RNFT2: variants seen among roughly 807,000 people sequenced by gnomAD.
RNFT2 encodes the protein E3 ubiquitin-protein ligase RNFT2.
A neutral mutation model predicts 53.0 loss-of-function variants in RNFT2; 36 were observed. The observed-to-expected ratio is 0.68, with a 90% CI of 0.52 to 0.90. RNFT2 has a LOEUF of 0.90. Ranked by LOEUF, RNFT2 falls within the 40% of genes least tolerant of loss-of-function variation. The pLI, the probability that RNFT2 is intolerant of heterozygous loss-of-function variation, is 0.00. For missense variants in RNFT2, 514 were observed against 585.6 expected, an observed-to-expected ratio of 0.88 and a Z score of 1.26; for synonymous variants, 260 against 253.2, an observed-to-expected ratio of 1.03 and a Z score of -0.26.
chr12:116,810,699 TCAATGATTAAG>T (rs1449058972), intron 7 of RNFT2, among the ~76,000 whole-genome samples: 2 of 152,228 alleles, frequency 1.3e-5, no homozygotes, highest in East Asian at 3.9e-4. Context: ...CTTCTTCAAC[TCAATGATTAAG>T]CAAGGCAGCC....
chr12:116,811,497 T>A, intron 7 of RNFT2, among the ~76,000 whole-genome samples: 1 of 151,958 alleles, frequency 6.6e-6, no homozygotes, highest in Non-Finnish European at 1.5e-5. Context: ...TGCCTCAGTC[T>A]CCTGAGCAGC....
chr12:116,829,861 G>T (rs1181420360), intron 7 of RNFT2, among the ~76,000 whole-genome samples: 1 of 152,138 alleles, frequency 6.6e-6, no homozygotes, highest in Admixed American at 6.5e-5. Flanking sequence ...GATTACAGGT[G>T]TGAGCCACCA....
At chr12:116,843,825 C>T (rs1486452336) in intron 10 of RNFT2, among the ~76,000 whole-genome samples, 5 of 152,198 alleles carry the variant, frequency 3.3e-5, no homozygotes, top group East Asian at 3.9e-4. Flanking sequence ...ACCCTAGTAT[C>T]GCCAGACTTT....
At position 116,832,763 on chromosome 12, in the gene RNFT2, TCTC is replaced by T. The variant is rs764208769; in HGVS notation, c.883-1026_883-1024del. Reference sequence around the variant, plus strand: ...TAATGCTAGGTGCTTATCCTGTTCATCTCCTTTAATCCTCAAAGCAACCCCGTA... The same window carrying T: ...TAATGCTAGGTGCTTATCCTGTTCATCTTTAATCCTCAAAGCAACCCCGTA... On this transcript the variant is annotated intron_variant, in intron 7 of 10. Coordinates refer to ENST00000257575, the MANE Select transcript of RNFT2 (RefSeq NM_001382266.1). Among the ~76,000 whole-genome samples, 3 of 152,234 alleles carry T rather than the reference TCTC, an allele frequency of 2.0e-5. No homozygotes were observed. In the East Asian group the frequency reaches 5.8e-4, roughly 29 times the overall value.
chr12:116,830,231 C>A (rs1451711062), intron 7 of RNFT2, among the ~76,000 whole-genome samples: 2 of 152,258 alleles, frequency 1.3e-5, no homozygotes, highest in East Asian at 1.9e-4. Flanking sequence ...AACCTAAAGA[C>A]CTCATTCACA....
intron 7 of RNFT2, among the ~76,000 whole-genome samples, chr12:116,794,855 T>C (rs1259586689): frequency 6.6e-6 from 1 of 152,060 alleles, no homozygotes. Flanking sequence ...ATTTCACTGA[T>C]GTTATTCAGG....
intron 6 of RNFT2, among the ~76,000 whole-genome samples, chr12:116,772,298 TTTTTA>T (rs1295583213): frequency 1.3e-5 from 2 of 151,976 alleles, no homozygotes; most frequent in Admixed American, 1.3e-4. Flanking sequence ...TCAAAAGTAA[TTTTTA>T]TTTTATTTTG....
At chr12:116,785,249 C>G (rs1341872706) in intron 7 of RNFT2, among the ~76,000 whole-genome samples, 3 of 139,082 alleles carry the variant, frequency 2.2e-5, no homozygotes, top group Non-Finnish European at 3.1e-5. Flanking sequence ...TTACCTACTT[C>G]TGTGTGTGTG....
intron 7 of RNFT2, among the ~76,000 whole-genome samples, chr12:116,811,156 G>C (rs1875353419): frequency 6.6e-6 from 1 of 152,080 alleles, no homozygotes; most frequent in African/African-American, 2.4e-5. Context: ...TGTCTTTCCA[G>C]CTACTAGGAA....
At position 116,852,884 on chromosome 12, in the gene RNFT2, TG is replaced by T; in HGVS notation, c.*3438del. The T allele has an allele frequency of 1.6e-6, 1 of 640,578 alleles. No homozygotes were observed. The allele number at this position is 640,578 out of a possible 1,614,324, so 39.7% of individuals were successfully genotyped here. The stretch of plus-strand genomic sequence containing the variant: ...TGTAGGTTACTAGTGAATACCCCAA[TG>T]GTTTCTCCAATTATGCCCATGCCAC... On this transcript the variant is annotated 3_prime_UTR_variant, in exon 11 of 11. Transcript: ENST00000257575.
At chr12:116,743,716 C>G (rs1871757048) in intron 3 of RNFT2, among the ~76,000 whole-genome samples, 1 of 152,148 alleles carries the variant, frequency 6.6e-6, no homozygotes, top group Admixed American at 6.5e-5. Flanking sequence ...TCCCATACCC[C>G]CTGCGACTCT....
In RNFT2 at chr12:116,738,942, A is replaced by G. The variant is rs556952771; in HGVS notation, c.-154+572A>G. On this transcript the variant is annotated intron_variant, in intron 1 of 10. Coordinates refer to ENST00000257575, the MANE Select transcript of RNFT2 (RefSeq NM_001382266.1). ...GATTGCAAATTCTTGAAAAATATTT[A>G]TATAATGACCTTTTCTTGATATATG... Among the ~76,000 whole-genome samples, 30 of 152,324 alleles carry G rather than the reference A, an allele frequency of 2.0e-4. No individual in the cohort carries two copies. The East Asian group carries it at 5.6e-3, about 28-fold the overall frequency.
intron 7 of RNFT2, among the ~76,000 whole-genome samples, chr12:116,816,218 G>C (rs1875657682): frequency 6.6e-6 from 1 of 152,202 alleles, no homozygotes; most frequent in Non-Finnish European, 1.5e-5. Flanking sequence ...AGGGCCCTGT[G>C]TGTAGGGAAG....
At chr12:116,768,817 G>A (rs1421671876) in intron 6 of RNFT2, among the ~76,000 whole-genome samples, 1 of 147,070 alleles carries the variant, frequency 6.8e-6, no homozygotes, top group Non-Finnish European at 1.5e-5. Flanking sequence ...TGCAACCTCC[G>A]CCTCCCAGGT....
At chr12:116,775,743 G>A (rs1025662270) in intron 6 of RNFT2, among the ~76,000 whole-genome samples, 6 of 152,120 alleles carry the variant, frequency 3.9e-5, no homozygotes, top group African/African-American at 7.2e-5. Flanking sequence ...ATTCTTTTAC[G>A]ATTAAATATC....
intron 7 of RNFT2, among the ~76,000 whole-genome samples, chr12:116,826,623 G>T (rs953220474): frequency 2.6e-5 from 4 of 152,170 alleles, no homozygotes; most frequent in South Asian, 4.1e-4. Flanking sequence ...CTTTAACGGG[G>T]TGCCACATAG....
intron 5 of RNFT2, among the ~76,000 whole-genome samples, chr12:116,760,873 TCTTCTTTTATTTCATA>T (rs1249444837): frequency 6.6e-6 from 1 of 152,106 alleles, no homozygotes; most frequent in Non-Finnish European, 1.5e-5. Context: ...CACCAAAACC[TCTTCTTTTATTTCATA>T]ATTTTTAGAG....
At chr12:116,823,639 G>A (rs1389925900) in intron 7 of RNFT2, among the ~76,000 whole-genome samples, 1 of 152,122 alleles carries the variant, frequency 6.6e-6, no homozygotes, top group Non-Finnish European at 1.5e-5. Flanking sequence ...AGCCGAAATT[G>A]CACCACTGCA....
At position 116,740,366 on chromosome 12, in the gene RNFT2, C is replaced by A; in HGVS notation, c.-132C>A. The A allele has an allele frequency of 1.2e-6, 1 of 837,776 alleles. No individual in the cohort carries two copies. The highest frequency in any genetic ancestry group is 2.1e-5 in the Admixed American group (1 of 47,912). The allele number at this position is 837,776 out of a possible 1,614,324, so 51.9% of individuals were successfully genotyped here. On this transcript the variant is annotated 5_prime_UTR_variant, in exon 2 of 11. Transcript: ENST00000257575. ...CCAGGTTTGGAGTCTCTGGCAAGCT[C>A]CCCTGACTGTGCATCCCTCTGGAGA...
Sources: gnomAD v4.1 joint callset for allele counts (sites outside exome capture counted in the v4.1 genomes callset) on GRCh38, gnomAD v4.1.1 for gene constraint, MANE v1.5 for transcripts, NCBI Gene and HGNC (gene_info 2026-07-23, HGNC 2026-07-21) for gene names.